CYFIP2: variants seen among roughly 807,000 people sequenced by gnomAD.
The protein encoded by CYFIP2 is cytoplasmic FMR1-interacting protein 2.
A neutral mutation model predicts 158.7 loss-of-function variants in CYFIP2; 29 were observed. That is an observed-to-expected ratio of 0.18 (90% CI 0.14 to 0.25). The LOEUF (loss-of-function observed/expected upper bound fraction) is 0.25. Among genes scored for constraint, CYFIP2 ranks in the 10% least tolerant of loss-of-function variants. The pLI is 1.00. For synonymous variants in CYFIP2, 585 were observed against 617.6 expected (o/e 0.95, Z 0.78); for missense variants, 852 against 1,639.5 (o/e 0.52, Z 8.29).
At chr5:157,328,449 G>T (rs62390093) in intron 19 of CYFIP2, among the ~76,000 whole-genome samples, 17,341 of 152,262 alleles carry the variant, frequency 0.11, 1,485 homozygotes, top group East Asian at 0.26. Flanking sequence ...CGAGGTGAAG[G>T]ATGGGGCAGG....
At position 157,311,066 on chromosome 5, in the gene CYFIP2, G is replaced by A. The variant is rs1239659540; in HGVS notation, c.993-598G>A. Reference sequence around the variant, plus strand: ...AAAGGCGGAGGGAAGGAGGAAAGAGGGTGGAAAGAGAAGGAGAGAAGGGGG... The same window carrying A: ...AAAGGCGGAGGGAAGGAGGAAAGAGAGTGGAAAGAGAAGGAGAGAAGGGGG... On this transcript the variant is annotated intron_variant, in intron 10 of 30. Transcript: ENST00000620254. This position sits in a 1 kb window ranked among gnomAD's most constrained non-coding sequence, Gnocchi z 4.7. 18 of 455,028 alleles carry A rather than the reference G, an allele frequency of 4.0e-5. No homozygotes were observed. The highest frequency in any genetic ancestry group is 6.2e-5 in the Non-Finnish European group (14 of 226,642). The allele number at this position is 455,028 out of a possible 1,614,324, so 28.2% of individuals were successfully genotyped here.
chr5:157,286,207 A>C (rs924435204), intron 2 of CYFIP2, among the ~76,000 whole-genome samples: 12 of 152,270 alleles, frequency 7.9e-5, no homozygotes, highest in Admixed American at 5.2e-4. Context: ...CTTCTAACCC[A>C]GATTAAAATT....
At chr5:157,355,094 C>T (rs1327391189) in intron 23 of CYFIP2, among the ~76,000 whole-genome samples, 2 of 152,138 alleles carry the variant, frequency 1.3e-5, no homozygotes, top group Non-Finnish European at 2.9e-5. Flanking sequence ...GGAGGAACTC[C>T]ACCCAGTACA....
chr5:157,326,044 G>A (rs769772817), intron 17 of CYFIP2, 127 bp from the exon 18 acceptor site: 11 of 750,012 alleles, frequency 1.5e-5, no homozygotes, highest in African/African-American at 5.2e-5. Context: ...CTCAAGGAAC[G>A]TAAGAGAGGG....
In CYFIP2 at chr5:157,273,405, T is replaced by C. The variant is rs189592360; in HGVS notation, c.-24+7210T>C. On this transcript the variant is annotated intron_variant, in intron 1 of 30. Coordinates refer to ENST00000620254, the MANE Select transcript of CYFIP2 (RefSeq NM_001037333.3). ...CCACCCACCTCACAGGCAGTAATATTATTACTCCTCAGTTAATATTATCTG... is the reference window on the plus strand; with the variant it reads ...CCACCCACCTCACAGGCAGTAATATCATTACTCCTCAGTTAATATTATCTG... Among the ~76,000 whole-genome samples the C allele has an allele frequency of 2.6e-5, 4 of 152,132 alleles. No homozygotes were observed. The East Asian group carries it at 7.7e-4, about 29-fold the overall frequency.
In CYFIP2 at chr5:157,383,251, G is replaced by T. The variant is rs182415413; in HGVS notation, c.3113-14G>T. On this transcript the variant is annotated splice_polypyrimidine_tract_variant and intron_variant, in intron 27 of 30. Coordinates refer to ENST00000620254, the MANE Select transcript of CYFIP2 (RefSeq NM_001037333.3). ...CCCTGAGTCTCATTTTCTGCTCTGC[G>T]ACTCCTTTTGCAGAGGGGGAGCGCC... 1 of 1,612,540 alleles carries T rather than the reference G, an allele frequency of 6.2e-7. No individual in the cohort carries two copies.
intron 1 of CYFIP2, chr5:157,271,413 C>T (rs915243011): frequency 6.6e-6 from 1 of 152,324 alleles, no homozygotes; most frequent in African/African-American, 2.4e-5. Flanking sequence ...TTTTAGTACA[C>T]AAAATGGACA....
chr5:157,390,185 C>T (rs1046349632), intron 29 of CYFIP2, among the ~76,000 whole-genome samples: 2 of 152,342 alleles, frequency 1.3e-5, no homozygotes, highest in Middle Eastern at 6.8e-3. Context: ...ACAGATTCTC[C>T]TTTGACCTGC....
intron 23 of CYFIP2, among the ~76,000 whole-genome samples, chr5:157,356,416 G>A (rs754322695): frequency 1.6e-4 from 24 of 152,166 alleles, no homozygotes; most frequent in Non-Finnish European, 2.9e-4. Context: ...TAATTTGTTC[G>A]TGATTAAGAT....
At position 157,285,361 on chromosome 5, in the gene CYFIP2, C is replaced by T; in HGVS notation, c.-1C>T. ...CAGTGCAGAATACAGAAACTGCAGC[C>T]ATGACCACGCACGTCACCCTGGAAG... On this transcript the variant is annotated 5_prime_UTR_variant, in exon 2 of 31. Transcript: ENST00000620254. 6.4e-7 allele frequency: 1 copy of T among 1,562,020 alleles called. No homozygotes were observed. Among genetic ancestry groups the T allele is most frequent in the Non-Finnish European group, 8.7e-7 (1 of 1,152,936 alleles).
chr5:157,294,893 C>T, intron 4 of CYFIP2, 33 bp downstream of exon 4: 3 of 1,578,156 alleles, frequency 1.9e-6, no homozygotes, highest in Non-Finnish European at 1.7e-6. Context: ...TCTCTTTCCC[C>T]TCCAGAGGGC....
intron 16 of CYFIP2, among the ~76,000 whole-genome samples, chr5:157,324,361 A>G (rs912818674): frequency 6.6e-6 from 1 of 152,330 alleles, no homozygotes; most frequent in African/African-American, 2.4e-5. Context: ...GAATACGTAC[A>G]TACAGACACA....
At chr5:157,345,878 A>C (rs17598343) in intron 23 of CYFIP2, among the ~76,000 whole-genome samples, 1 of 151,434 alleles carries the variant, frequency 6.6e-6, no homozygotes, top group Non-Finnish European at 1.5e-5. Flanking sequence ...TTCTTCTAAC[A>C]CTCCTACATT....
intron 5 of CYFIP2, among the ~76,000 whole-genome samples, chr5:157,298,213 G>A (rs1393471727): frequency 6.6e-6 from 1 of 151,892 alleles, no homozygotes; most frequent in African/African-American, 2.4e-5. Flanking sequence ...AAAATTTTTG[G>A]TACCAGTTTT....
intron 26 of CYFIP2, among the ~76,000 whole-genome samples, chr5:157,369,904 C>T (rs1272098330): frequency 1.1e-3 from 57 of 50,978 alleles, no homozygotes; most frequent in African/African-American, 5.8e-3. Flanking sequence ...TTTTTAAAGA[C>T]AGAGTCTTGC....
rs776762899 is a variant in CYFIP2 at position 157,378,091 on chromosome 5, A to AG, written c.3040-4498dup. ...CTTTATGGGATGGATAAGACTGGGT[A>AG]GAAAACTTTGGGTGGGGGTAAGAGG... On this transcript the variant is annotated intron_variant, in intron 26 of 30. Coordinates refer to ENST00000620254, the MANE Select transcript of CYFIP2 (RefSeq NM_001037333.3). Among the ~76,000 whole-genome samples the AG allele has an allele frequency of 7.2e-5, 11 of 152,352 alleles. 1 individual carries two copies. Among genetic ancestry groups the AG allele is most frequent in the Admixed American group, 6.5e-4 (10 of 15,306 alleles).
chr5:157,291,466 G>A (rs781295390), intron 3 of CYFIP2, among the ~76,000 whole-genome samples: 3 of 152,180 alleles, frequency 2.0e-5, no homozygotes, highest in Non-Finnish European at 4.4e-5. Context: ...TGTTCACTGC[G>A]CTGTTTGCAG....
chr5:157,296,609 C>T, intron 4 of CYFIP2, 64 bp from the exon 5 acceptor site: 3 of 1,495,482 alleles, frequency 2.0e-6, no homozygotes, highest in Non-Finnish European at 2.8e-6. Flanking sequence ...CAAAACAAAA[C>T]AAAAAACAGT....
At chr5:157,296,822 T>A in intron 5 of CYFIP2, 48 bp downstream of exon 5, 1 of 1,470,642 alleles carries the variant, frequency 6.8e-7, no homozygotes, top group Admixed American at 1.8e-5. Flanking sequence ...AAAAGGCCCC[T>A]AGTTTTCTAA....
Sources: allele counts gnomAD v4.1 joint callset (sites outside exome capture counted in the v4.1 genomes callset), GRCh38; gene constraint gnomAD v4.1.1; non-coding constraint Gnocchi (gnomAD v3.1); transcripts MANE v1.5; gene names NCBI Gene and HGNC (gene_info 2026-07-23, HGNC 2026-07-21).